The following SLF2 variants were observed in gnomAD, a reference collection of about 807,000 sequenced individuals.
SLF2 encodes SMC5-SMC6 complex localization factor protein 2.
In SLF2, 68 loss-of-function variants were observed where a neutral mutation model predicts 124.3. The ratio of observed to expected loss-of-function variants is 0.55; its 90% CI spans 0.45 to 0.67. The LOEUF (loss-of-function observed/expected upper bound fraction) is 0.67. Ranked by LOEUF, SLF2 falls within the 30% of genes least tolerant of loss-of-function variation. The probability of loss-of-function intolerance (pLI) is 0.00; values close to 1 mark genes in which losing one functional copy is unlikely to be tolerated. For synonymous variants in SLF2, 480 were observed against 478.8 expected, an observed-to-expected ratio of 1.00 and a Z score of -0.03; for missense variants, 1,246 against 1,373.7, an observed-to-expected ratio of 0.91 and a Z score of 1.47.
At chr10:100,942,803 G>A (rs2133807241) in intron 11 of SLF2, among the ~76,000 whole-genome samples, 1 of 152,256 alleles carries the variant, frequency 6.6e-6, no homozygotes. Flanking sequence ...ACAAGCGTGA[G>A]CCACCATGCC....
rs759137846 is a variant in SLF2, at chr10:100,924,779, T to C, written c.1778T>C (p.Leu593Pro). 13 of 1,614,148 alleles carry C rather than the reference T, an allele frequency of 8.1e-6. No homozygotes were observed. The highest frequency in any genetic ancestry group is 1.0e-5 in the Non-Finnish European group (12 of 1,180,042). ...AATTCCAATGCAGGTAGCAGTGCAC[T>C]GAAAAGAAAACTAAGGGGTGATTTT... is the stretch of plus-strand genomic sequence containing the variant. The part of the protein sequence containing the change: ...SGNSNAGSSA[L>P]KRKLRGDFDS... The change falls in exon 5 of 20, where the codon CTG (leucine) becomes CCG (proline). Residue 593 changes from leucine to proline, a missense_variant. Leu to Pro is a moderately conservative substitution (Grantham distance 98, BLOSUM62 -3). Coordinates refer to ENST00000238961, the MANE Select transcript of SLF2 (RefSeq NM_018121.4).
Position 100,916,036 on chromosome 10 carries a change from AAAC to A in SLF2, c.181_183del (p.Gln61del). On this transcript the variant is annotated inframe_deletion, in exon 2 of 20. Coordinates refer to ENST00000238961, the MANE Select transcript of SLF2 (RefSeq NM_018121.4). ...TATAGATTTCTTCAAACCAGCTTCA[AAAC>A]AAGGTATGTACACTGTTGATGCATT... 1 of 1,612,366 alleles carries A rather than the reference AAAC, an allele frequency of 6.2e-7. No individual in the cohort carries two copies. Among genetic ancestry groups the A allele is most frequent in the Non-Finnish European group, 8.5e-7 (1 of 1,178,910 alleles).
chr10:100,955,093 C>T (rs1336211638), intron 17 of SLF2, among the ~76,000 whole-genome samples: 1 of 151,962 alleles, frequency 6.6e-6, no homozygotes, highest in Non-Finnish European at 1.5e-5. Flanking sequence ...GTACCCGCCA[C>T]CACGCCCGGC....
In SLF2 at chr10:100,913,171, T is replaced by A. The variant is rs1290198389; in HGVS notation, c.61T>A (p.Ser21Thr). 1 of 1,611,246 alleles carries A rather than the reference T, an allele frequency of 6.2e-7. No homozygotes were observed. Among genetic ancestry groups the A allele is most frequent in the South Asian group, 1.1e-5 (1 of 90,834 alleles). Residue 21 changes from serine to threonine, a missense_variant, in exon 1 of 20, where the codon TCG becomes ACG. This residue lies in a region of SLF2 where 698 missense variants were observed against 708.9 expected (regional missense o/e 0.98). Coordinates refer to ENST00000238961, the MANE Select transcript of SLF2 (RefSeq NM_018121.4). ...GFPSSPAPGS[S>T]PPRCHLRPGS... The stretch of plus-strand genomic sequence containing the variant: ...CCCCTCATCCCCAGCCCCGGGGTCG[T>A]CGCCCCCGCGCTGCCATCTGAGACC...
intron 4 of SLF2, among the ~76,000 whole-genome samples, chr10:100,920,841 C>T (rs573731165): frequency 6.6e-6 from 1 of 152,078 alleles, no homozygotes; most frequent in Non-Finnish European, 1.5e-5. Flanking sequence ...CCCAGCTACT[C>T]AGGAGGCCAA....
In SLF2 at chr10:100,945,357, C is replaced by T; in HGVS notation, c.2785C>T (p.Pro929Ser). ...KFLGLCTSIH[P>S]EGYQDREIML... ...TCTAGGCTTGTGTACATCTATACATCCAGAAGGTTACCAGGATCGTGAAAT... is the reference window on the plus strand; with the variant it reads ...TCTAGGCTTGTGTACATCTATACATTCAGAAGGTTACCAGGATCGTGAAAT... The change falls in exon 13 of 20, where the codon CCA becomes TCA. Residue 929 changes from proline (P) to serine (S), a missense_variant. Transcript: ENST00000238961. 1 of 1,597,296 alleles carries T rather than the reference C, an allele frequency of 6.3e-7. No homozygotes were observed.
Position 100,916,575 on chromosome 10 carries a change from C to CA in SLF2, c.191dup (p.His64GlnfsTer17). ...TGTTTTAATTGGCTATTTAGACAGA[C>CA]ACATGTTGGATTCACCACAAAAATC... is the stretch of plus-strand genomic sequence containing the variant. On this transcript the variant is annotated frameshift_variant, in exon 3 of 20. Transcript: ENST00000238961. LOFTEE classifies it high-confidence loss of function. 2.2e-6 allele frequency: 3 copies of CA among 1,369,292 alleles called. No homozygotes were observed. The highest frequency in any genetic ancestry group is 2.8e-6 in the Non-Finnish European group (3 of 1,054,466). The allele number at this position is 1,369,292 out of a possible 1,614,324, so 84.8% of individuals were successfully genotyped here.
At chr10:100,915,365 A>G (rs1849394458) in intron 1 of SLF2, among the ~76,000 whole-genome samples, 1 of 152,170 alleles carries the variant, frequency 6.6e-6, no homozygotes, top group Non-Finnish European at 1.5e-5. Context: ...AGAGGGTAGC[A>G]TAAGTTTGGT....
intron 11 of SLF2, among the ~76,000 whole-genome samples, chr10:100,940,206 G>A (rs578026957): frequency 1.1e-4 from 17 of 152,334 alleles, no homozygotes; most frequent in Admixed American, 6.5e-4. Flanking sequence ...AGCATGTACA[G>A]TAGTGGAAAT....
chr10:100,926,903 C>G (rs1473114856), intron 6 of SLF2: 1 of 149,934 alleles, frequency 6.7e-6, no homozygotes, highest in Non-Finnish European at 1.5e-5. Context: ...GAGCAAGACT[C>G]CATCTCAAAA....
chr10:100,935,390 G>A (rs1368272858), intron 9 of SLF2, among the ~76,000 whole-genome samples: 1 of 150,390 alleles, frequency 6.6e-6, no homozygotes, highest in Non-Finnish European at 1.5e-5. Flanking sequence ...GCGAGATTCT[G>A]TCCCAAAAAA....
intron 14 of SLF2, among the ~76,000 whole-genome samples, chr10:100,947,351 A>T (rs1405363271): frequency 6.6e-6 from 1 of 151,526 alleles, no homozygotes; most frequent in Non-Finnish European, 1.5e-5. Flanking sequence ...TTGAGACAAG[A>T]GTCTCACTCT....
intron 17 of SLF2, among the ~76,000 whole-genome samples, chr10:100,955,457 T>C (rs1227325120): frequency 1.3e-5 from 2 of 152,040 alleles, no homozygotes; most frequent in African/African-American, 2.4e-5. Flanking sequence ...TCACCAAATA[T>C]CAAATGGGCC....
intron 19 of SLF2, 28 bp from the exon 20 acceptor site, chr10:100,961,849 C>A (rs753480825): frequency 6.2e-7 from 1 of 1,602,506 alleles, no homozygotes; most frequent in Non-Finnish European, 8.5e-7. Flanking sequence ...TTTTGCTTTA[C>A]CCTCTTTTTT....
At chr10:100,955,429 A>G (rs1004470907) in intron 17 of SLF2, among the ~76,000 whole-genome samples, 3 of 152,102 alleles carry the variant, frequency 2.0e-5, no homozygotes, top group Admixed American at 6.6e-5. Flanking sequence ...AGTATAATAC[A>G]TTCATAAGAT....
intron 11 of SLF2, among the ~76,000 whole-genome samples, chr10:100,942,642 C>G (rs1850002970): frequency 6.6e-6 from 1 of 152,142 alleles, no homozygotes; most frequent in Non-Finnish European, 1.5e-5. Flanking sequence ...CCTCAGCCTC[C>G]CGAGTAGCTG....
chr10:100,929,921 A>T lies in SLF2; in HGVS notation c.2257A>T (p.Ile753Phe). The T allele has an allele frequency of 6.2e-7, 1 of 1,602,264 alleles. No individual in the cohort carries two copies. Among genetic ancestry groups the T allele is most frequent in the Non-Finnish European group, 8.5e-7 (1 of 1,175,572 alleles). ...ATTTAATTTCCTCAATTCTGGAAAA[A>T]TTTTCAATCAGTATACCTTGGATTT... is the stretch of plus-strand genomic sequence containing the variant. ...EIFNFLNSGKIFNQYTLDLRD... is the reference protein window; with the variant it reads ...EIFNFLNSGKFFNQYTLDLRD... Residue 753 changes from isoleucine to phenylalanine, a missense_variant, in exon 8 of 20, where the codon ATT becomes TTT. Ile to Phe is a conservative substitution (Grantham distance 21). Coordinates refer to ENST00000238961, the MANE Select transcript of SLF2 (RefSeq NM_018121.4).
intron 15 of SLF2, among the ~76,000 whole-genome samples, chr10:100,949,134 G>A (rs1317033970): frequency 6.6e-6 from 1 of 152,170 alleles, no homozygotes; most frequent in Non-Finnish European, 1.5e-5. Flanking sequence ...GGGCACAGCT[G>A]GTTTCTGCTT....
At chr10:100,930,664 C>G (rs1382369532) in intron 8 of SLF2, among the ~76,000 whole-genome samples, 2 of 152,220 alleles carry the variant, frequency 1.3e-5, no homozygotes, top group Admixed American at 1.3e-4. Flanking sequence ...GAGATCACAT[C>G]AGTTCTGCTG....
Sources: allele counts gnomAD v4.1 joint callset (sites outside exome capture counted in the v4.1 genomes callset), GRCh38; gene constraint gnomAD v4.1.1; regional missense constraint gnomAD v4.1.1; transcripts MANE v1.5; gene names NCBI Gene and HGNC (gene_info 2026-07-23, HGNC 2026-07-21).